Variants in PLOD1 observed in about 807,000 individuals in gnomAD.
PLOD1 encodes lysine hydroxylase.
PLOD1 carries 70 observed loss-of-function variants against 94.7 expected under a neutral mutation model. The ratio of observed to expected loss-of-function variants is 0.74; its 90% CI spans 0.61 to 0.90. PLOD1 has a LOEUF of 0.90. Ranked by LOEUF, PLOD1 falls within the 40% of genes least tolerant of loss-of-function variation. The pLI is 0.00. For missense variants in PLOD1, 905 were observed against 972.7 expected (o/e 0.93, Z 0.93); for synonymous variants, 417 against 400.2 (o/e 1.04, Z -0.50).
At chr1:11,959,375 C>T (rs996257611) in intron 9 of PLOD1, among the ~76,000 whole-genome samples, 1 of 151,952 alleles carries the variant, frequency 6.6e-6, no homozygotes, top group East Asian at 1.9e-4. Flanking sequence ...TCTTCACTTC[C>T]ATCCCTGTCA....
At chr1:11,964,327 T>TGGGGGGGGGTGGGG in intron 12 of PLOD1, 27 bp downstream of exon 12, 12 of 546,308 alleles carry the variant, frequency 2.2e-5, no homozygotes, top group Non-Finnish European at 3.2e-5. Flanking sequence ...TGGGGGTGGG[T>TGGGGGGGGGTGGGG]GGGGGACACC....
intron 10 of PLOD1, among the ~76,000 whole-genome samples, chr1:11,962,950 A>T (rs1414033410): frequency 6.6e-6 from 1 of 152,100 alleles, no homozygotes; most frequent in African/African-American, 2.4e-5. Context: ...CAGAGGCAGG[A>T]GAATCGCTTG....
chr1:11,936,248 A>T (rs1020438576), intron 1 of PLOD1, among the ~76,000 whole-genome samples: 3 of 151,834 alleles, frequency 2.0e-5, no homozygotes, highest in Non-Finnish European at 2.9e-5. Flanking sequence ...CGCTCTTTCT[A>T]CTTCCTCAAG....
intron 16 of PLOD1, among the ~76,000 whole-genome samples, chr1:11,969,612 G>A (rs539999363): frequency 2.6e-5 from 4 of 152,308 alleles, no homozygotes; most frequent in Non-Finnish European, 4.4e-5. Context: ...AATAACACCC[G>A]TGTGTTATCT....
chr1:11,941,813 T>C (rs1645617440), intron 1 of PLOD1, among the ~76,000 whole-genome samples: 1 of 152,058 alleles, frequency 6.6e-6, no homozygotes, highest in Non-Finnish European at 1.5e-5. Flanking sequence ...CACCACCGTA[T>C]AACTTGCAGT....
Position 11,966,983 on chromosome 1 carries a change from C to G in PLOD1, c.1651-4C>G, listed in dbSNP as rs1414589016. The G allele has an allele frequency of 6.2e-7, 1 of 1,601,178 alleles. No homozygotes were observed. Among genetic ancestry groups the G allele is most frequent in the Non-Finnish European group, 8.6e-7 (1 of 1,168,186 alleles). On this transcript the variant is annotated splice_region_variant and splice_polypyrimidine_tract_variant and intron_variant, in intron 15 of 18. Transcript: ENST00000196061. Reference sequence around the variant, plus strand: ...CCCCTTGACTGAGTCCCTGCCCTCCCCAGCCCTGCCCGGATGTCTATTGGT... The same window carrying G: ...CCCCTTGACTGAGTCCCTGCCCTCCGCAGCCCTGCCCGGATGTCTATTGGT...
rs376384783 is a variant in PLOD1, at chr1:11,948,852, C to T, written c.168+785C>T. Among the ~76,000 whole-genome samples the T allele has an allele frequency of 6.6e-5, 10 of 152,188 alleles. No homozygotes were observed. The East Asian group carries it at 1.7e-3, about 26-fold the overall frequency. On this transcript the variant is annotated intron_variant, in intron 2 of 18. Transcript: ENST00000196061. ...CTGAGCCCTGCAGGGAGACGAGTAT[C>T]CTGAGTGCTTCCTTATGTCAGGCAC...
intron 1 of PLOD1, 62 bp from the exon 2 acceptor site, chr1:11,947,914 C>G: frequency 9.4e-7 from 1 of 1,067,282 alleles, no homozygotes; most frequent in Non-Finnish European, 1.5e-6. Context: ...GGAACAAAGA[C>G]CTCCTCCCTG....
rs377325169 is a variant in PLOD1, at chr1:11,967,033, G to T, written c.1697G>T (p.Cys566Phe). 1.9e-6 allele frequency: 3 copies of T among 1,614,108 alleles called. No homozygotes were observed. The Admixed American group carries it at 5.0e-5, about 27-fold the overall frequency. Reference protein sequence around the residue: ...YWFPIFTEVACDELVEEMEHF... With the variant: ...YWFPIFTEVAFDELVEEMEHF... Reference sequence around the variant, plus strand: ...TTCCCCATCTTCACGGAGGTGGCCTGTGATGAGCTGGTGGAGGAGATGGAG... The same window carrying T: ...TTCCCCATCTTCACGGAGGTGGCCTTTGATGAGCTGGTGGAGGAGATGGAG... Residue 566 changes from cysteine to phenylalanine, a missense_variant, in exon 16 of 19, where the codon TGT becomes TTT. Cys to Phe is a radical substitution (Grantham distance 205). Transcript: ENST00000196061.
rs1645727011 is a variant in PLOD1, at chr1:11,954,837, T to C, written c.587T>C (p.Ile196Thr). The C allele has an allele frequency of 6.2e-7, 1 of 1,613,392 alleles. No individual in the cohort carries two copies. The highest frequency in any genetic ancestry group is 1.7e-5 in the Admixed American group (1 of 60,004). ...IFLDPEKREQ[I>T]NITLDHRCRI... ...GTACCTTCTTTCCTGCAGGAGCAGA[T>C]CAATATCACCCTGGACCACCGCTGC... Residue 196 changes from isoleucine to threonine, a missense_variant, in exon 6 of 19, where the codon ATC (isoleucine) becomes ACC (threonine). Ile to Thr is a moderately conservative substitution (Grantham distance 89, BLOSUM62 -1). Transcript: ENST00000196061.
intron 9 of PLOD1, among the ~76,000 whole-genome samples, chr1:11,960,384 G>T (rs57286355): frequency 6.6e-6 from 1 of 152,174 alleles, no homozygotes; most frequent in African/African-American, 2.4e-5. Context: ...GATCCTGAGC[G>T]TGGTGGCGGA....
At chr1:11,946,881 C>T (rs1645658707) in intron 1 of PLOD1, among the ~76,000 whole-genome samples, 1 of 152,180 alleles carries the variant, frequency 6.6e-6, no homozygotes, top group Non-Finnish European at 1.5e-5. Context: ...TGTTCTGCTT[C>T]CAGTGAGGCC....
At chr1:11,951,532 C>A (rs1437090484) in intron 4 of PLOD1, among the ~76,000 whole-genome samples, 1 of 149,226 alleles carries the variant, frequency 6.7e-6, no homozygotes, top group Non-Finnish European at 1.5e-5. Context: ...TGCCACTGCA[C>A]TCAAAAAAAT....
At chr1:11,943,802 A>G (rs1416989268) in intron 1 of PLOD1, among the ~76,000 whole-genome samples, 13 of 152,148 alleles carry the variant, frequency 8.5e-5, no homozygotes, top group Admixed American at 8.5e-4. Flanking sequence ...CATTTAGGTT[A>G]AGAGAGGAGA....
rs187337795 is a variant in PLOD1, at chr1:11,967,599, A to G, written c.1755+508A>G. ...TTTCTTTTCATGTGTGTGTGTGTGT[A>G]TATATATATATATATAAAAAGAAAT... On this transcript the variant is annotated intron_variant, in intron 16 of 18. Transcript: ENST00000196061. Among the ~76,000 whole-genome samples, 565 of 102,222 alleles carry G rather than the reference A, an allele frequency of 5.5e-3. 15 individuals carry two copies. Among genetic ancestry groups the G allele is most frequent in the African/African-American group, 0.019 (492 of 25,760 alleles). 67.1% of individuals were successfully genotyped at this position (102,222 alleles called of 152,430 possible). A position where few individuals can be genotyped will look rare whatever the true frequency, so the allele number is the denominator to read the frequency against.
chr1:11,949,374 C>A (rs1320942696), intron 2 of PLOD1, among the ~76,000 whole-genome samples: 3 of 152,102 alleles, frequency 2.0e-5, no homozygotes, highest in Admixed American at 6.6e-5. Context: ...GGTTTCCTTA[C>A]AGGGGAGGGT....
At chr1:11,935,342 G>A (rs1645570656) in intron 1 of PLOD1, among the ~76,000 whole-genome samples, 1 of 152,076 alleles carries the variant, frequency 6.6e-6, no homozygotes, top group Admixed American at 6.6e-5. Context: ...GAGGCCTCAT[G>A]ACCATGGGAA....
At chr1:11,964,511 T>G in intron 12 of PLOD1, 133 bp from the exon 13 acceptor site, 1 of 947,340 alleles carries the variant, frequency 1.1e-6, no homozygotes, top group Non-Finnish European at 1.7e-6. Flanking sequence ...AGCACAATTG[T>G]GCCCCCCTAG....
chr1:11,965,392 C>A lies in PLOD1; in HGVS notation c.1471-88C>A, dbSNP rs978055843. The A allele has an allele frequency of 1.9e-5, 15 of 779,182 alleles. No individual in the cohort carries two copies. The East Asian group carries it at 4.0e-4, about 21-fold the overall frequency. 48.3% of individuals were successfully genotyped at this position (779,182 alleles called of 1,614,324 possible). On this transcript the variant is annotated intron_variant, in intron 13 of 18. Transcript: ENST00000196061. ...AGTTCGGCGGGTGGAGGAGGCTGCA[C>A]TGTTGCCCGTCTGGGAGCGTGCAGG...
Sources: allele counts gnomAD v4.1 joint callset (sites outside exome capture counted in the v4.1 genomes callset), GRCh38; gene constraint gnomAD v4.1.1; transcripts MANE v1.5; gene names NCBI Gene and HGNC (gene_info 2026-07-23, HGNC 2026-07-21).